Variants in TECRL observed in about 807,000 individuals in gnomAD.
TECRL encodes trans-2,3-enoyl-CoA reductase like.
Under a neutral mutation model 52.8 loss-of-function variants are expected in TECRL, and 63 were observed. That is an observed-to-expected ratio of 1.19 (90% CI 0.97 to 1.47). The LOEUF is 1.47. Ranked by LOEUF, TECRL falls within the 40% of genes most tolerant of loss-of-function variation. The pLI is 0.00. For missense variants in TECRL, 482 were observed against 429.6 expected, an observed-to-expected ratio of 1.12 and a Z score of -1.08; for synonymous variants, 164 against 141.9, an observed-to-expected ratio of 1.16 and a Z score of -1.10.
intron 8 of TECRL, among the ~76,000 whole-genome samples, chr4:64,292,759 AAAGT>A (rs1239846724): frequency 2.6e-5 from 4 of 152,050 alleles, no homozygotes; most frequent in African/African-American, 9.7e-5. Context: ...TATTTCATAA[AAAGT>A]AACCAGGTGC....
intron 2 of TECRL, among the ~76,000 whole-genome samples, chr4:64,341,164 T>A (rs1034332208): frequency 9.2e-5 from 14 of 152,102 alleles, no homozygotes; most frequent in Admixed American, 2.0e-4. Flanking sequence ...TCCCTATAGG[T>A]TTTCTCTGAG....
chr4:64,277,401 A>G (rs1184354495), downstream of TECRL, among the ~76,000 whole-genome samples: 2 of 151,958 alleles, frequency 1.3e-5, no homozygotes, highest in African/African-American at 2.4e-5. Context: ...TACTGCATTG[A>G]CATTTCTTTT....
At chr4:64,296,731 T>C (rs2109965175) in intron 8 of TECRL, among the ~76,000 whole-genome samples, 1 of 151,836 alleles carries the variant, frequency 6.6e-6, no homozygotes, top group Non-Finnish European at 1.5e-5. Context: ...ATTGTGATTT[T>C]GGTATTTTTA....
At chr4:64,292,716 G>A (rs55796136) in intron 8 of TECRL, among the ~76,000 whole-genome samples, 2,363 of 152,022 alleles carry the variant, frequency 0.016, 35 homozygotes, top group Non-Finnish European at 0.024. Context: ...TGCCAGAACT[G>A]CTTCTGTTGT....
chr4:64,406,147 G>GAC (rs1553923372), intron 1 of TECRL, among the ~76,000 whole-genome samples: 12 of 146,566 alleles, frequency 8.2e-5, no homozygotes, highest in Admixed American at 8.1e-4. Flanking sequence ...TTATTTGTTA[G>GAC]GCGCGCGCGC....
intron 1 of TECRL, among the ~76,000 whole-genome samples, chr4:64,387,093 A>G (rs751077630): frequency 3.9e-5 from 6 of 152,106 alleles, no homozygotes; most frequent in Non-Finnish European, 8.8e-5. Context: ...CCCCATCCCC[A>G]CTGGCAACCA....
chr4:64,359,834 T>A (rs2109608585), intron 2 of TECRL, among the ~76,000 whole-genome samples: 1 of 152,250 alleles, frequency 6.6e-6, no homozygotes, highest in Admixed American at 6.5e-5. Flanking sequence ...TATAGCAATA[T>A]AAATTTGACT....
chr4:64,402,795 CTG>C (rs1266758602), intron 1 of TECRL, among the ~76,000 whole-genome samples: 6 of 152,020 alleles, frequency 3.9e-5, no homozygotes, highest in Non-Finnish European at 7.4e-5. Flanking sequence ...AAGGGTAAGT[CTG>C]TAAAAAGATC....
At chr4:64,370,374 G>A (rs991266691) in intron 2 of TECRL, among the ~76,000 whole-genome samples, 1 of 151,762 alleles carries the variant, frequency 6.6e-6, no homozygotes, top group Admixed American at 6.6e-5. Context: ...TAAGAGAGTT[G>A]TTTCTGAGGG....
intron 1 of TECRL, among the ~76,000 whole-genome samples, chr4:64,384,721 G>A (rs1456641056): frequency 6.6e-6 from 1 of 152,050 alleles, no homozygotes; most frequent in Admixed American, 6.6e-5. Flanking sequence ...CACAGGTTGT[G>A]GCTGGTTTAT....
At chr4:64,319,326 T>C (rs200643185) in intron 4 of TECRL, among the ~76,000 whole-genome samples, 6 of 87,626 alleles carry the variant, frequency 6.8e-5, no homozygotes, top group African/African-American at 3.2e-4. Context: ...ATCATTACAG[T>C]GTAAAACATA....
At chr4:64,287,655 A>G (rs2109940197) in intron 9 of TECRL, among the ~76,000 whole-genome samples, 1 of 152,164 alleles carries the variant, frequency 6.6e-6, no homozygotes, top group East Asian at 1.9e-4. Flanking sequence ...GAGTTTTTGC[A>G]TTGTTGAAAT....
intron 1 of TECRL, among the ~76,000 whole-genome samples, chr4:64,401,582 G>C (rs569478621): frequency 5.1e-4 from 78 of 152,154 alleles, no homozygotes; most frequent in African/African-American, 1.8e-3. Flanking sequence ...TTATTATATT[G>C]TAATTTGTTT....
At chr4:64,374,574 A>C (rs1722252746) in intron 2 of TECRL, among the ~76,000 whole-genome samples, 4 of 146,770 alleles carry the variant, frequency 2.7e-5, no homozygotes, top group Non-Finnish European at 4.5e-5. Context: ...CCCCCACCCC[A>C]CCACAGGCCC....
At chr4:64,409,077 CACTT>C (rs139558350) in intron 1 of TECRL, 37 bp downstream of exon 1, 32,729 of 1,489,214 alleles carry the variant, frequency 0.022, 429 homozygotes, top group Middle Eastern at 0.025. Flanking sequence ...AGAGAAGAAA[CACTT>C]AAACAAACAA....
At chr4:64,296,213 G>C (rs1037583560) in intron 8 of TECRL, among the ~76,000 whole-genome samples, 2 of 151,610 alleles carry the variant, frequency 1.3e-5, no homozygotes, top group Admixed American at 1.3e-4. Flanking sequence ...CAGTTTCTTG[G>C]CCTTTCTGTG....
At chr4:64,300,741 C>A (rs1030496837) in intron 7 of TECRL, among the ~76,000 whole-genome samples, 3 of 150,948 alleles carry the variant, frequency 2.0e-5, no homozygotes, top group African/African-American at 7.3e-5. Flanking sequence ...TGCATCTACA[C>A]ATAAAAATAT....
chr4:64,286,987 C>T (rs1304711995), intron 9 of TECRL, among the ~76,000 whole-genome samples: 6 of 151,992 alleles, frequency 3.9e-5, no homozygotes, highest in African/African-American at 1.4e-4. Flanking sequence ...AAAATTTAGA[C>T]CCTCAGATAT....
intron 5 of TECRL, among the ~76,000 whole-genome samples, chr4:64,310,401 T>C (rs1475808478): frequency 6.6e-6 from 1 of 152,196 alleles, no homozygotes; most frequent in Non-Finnish European, 1.5e-5. Context: ...AAATTTAAAT[T>C]GCATTTTCTG....
Sources: allele counts gnomAD v4.1 joint callset (sites outside exome capture counted in the v4.1 genomes callset), GRCh38; gene constraint gnomAD v4.1.1; transcripts MANE v1.5; gene names NCBI Gene and HGNC (gene_info 2026-07-23, HGNC 2026-07-21).